Variants in RANGAP1 observed in about 807,000 individuals in gnomAD.
RANGAP1 encodes Ran GTPase activating protein 1.
Under a neutral mutation model 63.5 loss-of-function variants are expected in RANGAP1, and 38 were observed. The observed-to-expected ratio is 0.60, with a 90% CI of 0.46 to 0.78. The LOEUF (loss-of-function observed/expected upper bound fraction) is 0.78. RANGAP1 is among the 30% of genes least tolerant of loss of function. RANGAP1 has a pLI of 0.00. For missense variants in RANGAP1, 630 were observed against 740.3 expected (o/e 0.85, Z 1.73); for synonymous variants, 329 against 310.5 (o/e 1.06, Z -0.63).
At chr22:41,271,386 T>TAAAAAAAAA (rs35627809) in intron 3 of RANGAP1, among the ~76,000 whole-genome samples, 10 of 91,956 alleles carry the variant, frequency 1.1e-4, no homozygotes, top group East Asian at 3.6e-4. Context: ...AAACTGTCTC[T>TAAAAAAAAA]AAAAAAAAAC....
At chr22:41,254,841 G>A (rs1285624740) in intron 10 of RANGAP1, among the ~76,000 whole-genome samples, 3 of 152,036 alleles carry the variant, frequency 2.0e-5, no homozygotes, top group Non-Finnish European at 4.4e-5. Context: ...GTGTGGTGGC[G>A]GGCGCCTGTG....
Position 41,273,014 on chromosome 22 carries a change from T to C in RANGAP1, c.240+1586A>G, listed in dbSNP as rs566289595. On this transcript the variant is annotated intron_variant, in intron 3 of 15. Coordinates refer to ENST00000356244, the MANE Select transcript of RANGAP1 (RefSeq NM_002883.4). ...TTTTTGTAGAGACGGGGTTTCACCA[T>C]GTTGTCCAAGCTGGTCTCGAACTTC... Among the ~76,000 whole-genome samples the C allele has an allele frequency of 9.9e-5, 15 of 152,250 alleles. 2 individuals are homozygous for C. The South Asian group carries it at 3.1e-3, about 32-fold the overall frequency.
the RANGAP1 span, among the ~76,000 whole-genome samples, chr22:41,298,405 C>T: frequency 6.6e-6 from 1 of 152,050 alleles, no homozygotes; most frequent in Non-Finnish European, 1.5e-5. Context: ...ACCTCCACCT[C>T]CCAGGTTCAA....
intron 1 of RANGAP1, chr22:41,285,332 G>GC (rs2035699295): frequency 4.3e-6 from 1 of 230,262 alleles, no homozygotes; most frequent in South Asian, 1.6e-4. Flanking sequence ...CCAAGAGAGA[G>GC]CGAGACAGAG....
chr22:41,267,986 T>G (rs1361466945), intron 4 of RANGAP1, 111 bp downstream of exon 4: 12 of 1,166,474 alleles, frequency 1.0e-5, no homozygotes, highest in Non-Finnish European at 1.5e-5. Flanking sequence ...AGCAGCTCAG[T>G]CACCCACAGG....
Position 41,257,930 on chromosome 22 carries a change from C to T in RANGAP1, c.774+18G>A. ...TCTATCTGGCGGGGCCCAACTGGCT[C>T]TGCCACACTCGCCTCACCTCGGCCA... On this transcript the variant is annotated intron_variant, in intron 7 of 15. Transcript: ENST00000356244. This position sits in a 1 kb window ranked among gnomAD's most constrained non-coding sequence, Gnocchi z 4.0. 1 of 1,584,890 alleles carries T rather than the reference C, an allele frequency of 6.3e-7. No individual in the cohort carries two copies. The highest frequency in any genetic ancestry group is 1.1e-5 in the South Asian group (1 of 86,978).
chr22:41,273,618 T>C (rs1267255123), intron 3 of RANGAP1, among the ~76,000 whole-genome samples: 1 of 141,822 alleles, frequency 7.1e-6, no homozygotes, highest in Non-Finnish European at 1.5e-5. Flanking sequence ...ATACAAAAAA[T>C]TAGCTGGGCA....
In RANGAP1 at chr22:41,257,816, C is replaced by T; in HGVS notation, c.774+132G>A. ...CAGGACATGTTCAAAGAGCTGGAGC[C>T]ATGGGGCACACACCCAGGGGGCAGG... On this transcript the variant is annotated intron_variant, in intron 7 of 15. Transcript: ENST00000356244. The surrounding 1 kb of genome is among the most constrained non-coding windows in gnomAD (Gnocchi z 4.0). The T allele has an allele frequency of 1.8e-6, 2 of 1,126,672 alleles. No homozygotes were observed. The highest frequency in any genetic ancestry group is 1.6e-5 in the African/African-American group (1 of 63,314). 69.8% of individuals were successfully genotyped at this position (1,126,672 alleles called of 1,614,324 possible). A position where few individuals can be genotyped will look rare whatever the true frequency, so the allele number is the denominator to read the frequency against.
At chr22:41,276,917 C>T (rs1166251882) in intron 2 of RANGAP1, among the ~76,000 whole-genome samples, 10 of 143,934 alleles carry the variant, frequency 6.9e-5, no homozygotes, top group East Asian at 2.2e-4. Context: ...ACCCAGGAGG[C>T]GGAGGTAGCA....
At chr22:41,292,429 C>A in the RANGAP1 span, among the ~76,000 whole-genome samples, 1 of 151,500 alleles carries the variant, frequency 6.6e-6, no homozygotes, top group East Asian at 2.0e-4. Context: ...GGATTACAGG[C>A]GTGAGTCACT....
In RANGAP1 at chr22:41,281,069, T is replaced by C. The variant is rs1440848262; in HGVS notation, c.-25A>G. On this transcript the variant is annotated 5_prime_UTR_variant, in exon 2 of 16. Transcript: ENST00000356244. ...TGTTGACTAGGCTGGTGGGCTCCCC[T>C]GGAGATCTGCAGACTGAGGAGGCCA... 2.0e-5 allele frequency: 32 copies of C among 1,564,792 alleles called. No homozygotes were observed. Among genetic ancestry groups the C allele is most frequent in the Non-Finnish European group, 2.7e-5 (31 of 1,160,632 alleles).
chr22:41,292,691 A>G, the RANGAP1 span, among the ~76,000 whole-genome samples: 1 of 151,804 alleles, frequency 6.6e-6, no homozygotes, highest in Non-Finnish European at 1.5e-5. Flanking sequence ...AGGTTGCATG[A>G]GCCGAAATCA....
At chr22:41,278,475 T>G (rs2035290025) in intron 2 of RANGAP1, among the ~76,000 whole-genome samples, 2 of 152,236 alleles carry the variant, frequency 1.3e-5, no homozygotes, top group African/African-American at 4.8e-5. Flanking sequence ...GAAGATAAAC[T>G]GAGATACTAT....
chr22:41,287,383 T>TTTTTTTTTTTTTTTG (rs2035777665), upstream of RANGAP1, among the ~76,000 whole-genome samples: 1 of 139,738 alleles, frequency 7.2e-6, no homozygotes. Context: ...TTTTTTTTTG[T>TTTTTTTTTTTTTTTG]TTTTTTTTTT....
At chr22:41,275,836 C>T (rs1285470205) in intron 2 of RANGAP1, among the ~76,000 whole-genome samples, 2 of 151,666 alleles carry the variant, frequency 1.3e-5, no homozygotes, top group Non-Finnish European at 2.9e-5. Context: ...GTCTCAGCTA[C>T]TTGGGAGGCT....
rs777181469 is a variant in RANGAP1, at chr22:41,254,414, T to C, written c.1154A>G (p.Glu385Gly). 2 of 1,608,298 alleles carry C rather than the reference T, an allele frequency of 1.2e-6. No homozygotes were observed. The highest frequency in any genetic ancestry group is 2.2e-5 in the South Asian group (2 of 91,038). ...CTCCTCCTCCTCTTCTTCCTCCTCT[T>C]CCTCATCTTCCTCCTCCTCTTCTTC... ...EAEEEEEEDEEEEEEEEEEEE... is the reference protein window; with the variant it reads ...EAEEEEEEDEGEEEEEEEEEE... Residue 385 changes from glutamate (E) to glycine (G), a missense_variant, in exon 11 of 16, where the codon GAA becomes GGA. By Grantham distance (98) the Glu-to-Gly change is moderately conservative. This residue lies in a region of RANGAP1 where 428 missense variants were observed against 465.5 expected (regional missense o/e 0.92). Coordinates refer to ENST00000356244, the MANE Select transcript of RANGAP1 (RefSeq NM_002883.4).
intron 2 of RANGAP1, among the ~76,000 whole-genome samples, chr22:41,278,164 G>A (rs766859916): frequency 6.6e-6 from 1 of 151,952 alleles, no homozygotes; most frequent in Non-Finnish European, 1.5e-5. Context: ...AGCCTCCGGA[G>A]AGTAGCTGGG....
intron 15 of RANGAP1, among the ~76,000 whole-genome samples, chr22:41,249,063 G>A (rs1419736487): frequency 1.3e-5 from 2 of 152,238 alleles, no homozygotes; most frequent in South Asian, 4.1e-4. Flanking sequence ...CTCCTCATCT[G>A]CACAATGGGG....
chr22:41,256,203 G>A lies in RANGAP1; in HGVS notation c.976C>T (p.Leu326=). Residue 326 remains leucine (L), a synonymous_variant, in exon 9 of 16, where the codon CTG becomes TTG. Coordinates refer to ENST00000356244, the MANE Select transcript of RANGAP1 (RefSeq NM_002883.4). ...CCCATCCGACTACCATTCAGGTCCAGCTTCTCCAGCTCAGCTTTGTCTGCC... is the reference window on the plus strand; with the variant it reads ...CCCATCCGACTACCATTCAGGTCCAACTTCTCCAGCTCAGCTTTGTCTGCC... The part of the protein sequence containing the change: ...AMADKAELEK[L]DLNGNTLGEE... 1 of 1,614,160 alleles carries A rather than the reference G, an allele frequency of 6.2e-7. No homozygotes were observed.
Sources: allele counts gnomAD v4.1 joint callset (sites outside exome capture counted in the v4.1 genomes callset), GRCh38; gene constraint gnomAD v4.1.1; regional missense constraint gnomAD v4.1.1; non-coding constraint Gnocchi (gnomAD v3.1); transcripts MANE v1.5; gene names NCBI Gene and HGNC (gene_info 2026-07-23, HGNC 2026-07-21).